NAALADL2: variants seen among roughly 807,000 people sequenced by gnomAD.
NAALADL2 encodes inactive N-acetylated-alpha-linked acidic dipeptidase-like protein 2.
A neutral mutation model predicts 87.2 loss-of-function variants in NAALADL2; 76 were observed. The observed-to-expected ratio is 0.87, with a 90% CI of 0.72 to 1.05. The LOEUF (loss-of-function observed/expected upper bound fraction) is 1.05, where lower values mean the gene tolerates loss of function less well. Among genes scored for constraint, NAALADL2 ranks in the 50% least tolerant of loss-of-function variants. NAALADL2 has a pLI of 0.00. For missense variants in NAALADL2, 1,089 were observed against 945.8 expected (o/e 1.15, Z -1.99); for synonymous variants, 354 against 331.0 (o/e 1.07, Z -0.75).
chr3:175,258,296 C>T (rs1323150912), intron 4 of NAALADL2, among the ~76,000 whole-genome samples: 2 of 130,562 alleles, frequency 1.5e-5, no homozygotes, highest in Non-Finnish European at 3.1e-5. Flanking sequence ...CAACAGAGGG[C>T]GAGACTCCGT....
intron 2 of NAALADL2, among the ~76,000 whole-genome samples, chr3:175,185,792 A>G (rs1269300804): frequency 2.0e-5 from 3 of 151,080 alleles, no homozygotes; most frequent in Non-Finnish European, 4.4e-5. Context: ...TAAAATATTT[A>G]ATAAAATAAT....
intron 1 of NAALADL2, among the ~76,000 whole-genome samples, chr3:174,544,724 C>A (rs569379408): frequency 1.3e-5 from 2 of 151,638 alleles, no homozygotes; most frequent in Non-Finnish European, 2.9e-5. Flanking sequence ...GCACGCGTCA[C>A]CACACCCAGC....
At chr3:174,959,872 T>G (rs1053465166) in intron 1 of NAALADL2, among the ~76,000 whole-genome samples, 9 of 152,100 alleles carry the variant, frequency 5.9e-5, no homozygotes, top group Non-Finnish European at 1.2e-4. Context: ...CTATTTTATT[T>G]ATGAGTTGAC....
chr3:175,404,101 C>T (rs981303306), intron 5 of NAALADL2, among the ~76,000 whole-genome samples: 2 of 151,980 alleles, frequency 1.3e-5, no homozygotes, highest in Non-Finnish European at 2.9e-5. Flanking sequence ...TTCTGAGCCC[C>T]AAGCTGAATT....
At chr3:174,825,521 G>T (rs1375110120) in intron 3 of NAALADL2, among the ~76,000 whole-genome samples, 1 of 152,142 alleles carries the variant, frequency 6.6e-6, no homozygotes, top group Non-Finnish European at 1.5e-5. Flanking sequence ...TTTACTCAGT[G>T]TACTGATACA....
At chr3:175,371,563 G>A (rs1481285791) in intron 5 of NAALADL2, among the ~76,000 whole-genome samples, 1 of 152,162 alleles carries the variant, frequency 6.6e-6, no homozygotes, top group Non-Finnish European at 1.5e-5. Context: ...GACGGCTCAT[G>A]CTTGTAATCC....
At chr3:174,472,794 T>G (rs1716983777) in intron 1 of NAALADL2, among the ~76,000 whole-genome samples, 1 of 152,162 alleles carries the variant, frequency 6.6e-6, no homozygotes, top group Non-Finnish European at 1.5e-5. Flanking sequence ...AGGCCTAAGT[T>G]GCCTCTCACT....
intron 5 of NAALADL2, among the ~76,000 whole-genome samples, chr3:175,431,355 A>G (rs572327393): frequency 6.6e-6 from 1 of 152,002 alleles, no homozygotes; most frequent in Non-Finnish European, 1.5e-5. Context: ...AGCAATAGAG[A>G]TTTTTTGTTT....
chr3:175,444,562 C>T (rs576934660), intron 5 of NAALADL2, among the ~76,000 whole-genome samples: 5 of 152,304 alleles, frequency 3.3e-5, no homozygotes, highest in Middle Eastern at 3.4e-3. Flanking sequence ...CCTGTGCAGT[C>T]TCACAGAGTC....
intron 3 of NAALADL2, among the ~76,000 whole-genome samples, chr3:174,780,463 T>C (rs948626427): frequency 1.4e-4 from 21 of 152,150 alleles, no homozygotes; most frequent in African/African-American, 3.9e-4. Context: ...TCTATATGAA[T>C]ACCCTTTATT....
At chr3:174,841,953 A>G (rs1724068809) in intron 3 of NAALADL2, among the ~76,000 whole-genome samples, 1 of 152,106 alleles carries the variant, frequency 6.6e-6, no homozygotes, top group Admixed American at 6.6e-5. Flanking sequence ...CGTTATATGT[A>G]ATTAGTCATA....
chr3:174,958,227 T>C (rs1463702282), intron 1 of NAALADL2, among the ~76,000 whole-genome samples: 1 of 151,212 alleles, frequency 6.6e-6, no homozygotes, highest in African/African-American at 2.4e-5. Flanking sequence ...AATAATCAAT[T>C]ATATATATAA....
At chr3:174,796,145 C>T (rs1718055819) in intron 3 of NAALADL2, among the ~76,000 whole-genome samples, 1 of 152,082 alleles carries the variant, frequency 6.6e-6, no homozygotes, top group Admixed American at 6.6e-5. Context: ...GAAGAAACGG[C>T]ATGTGAGGAC....
At chr3:174,513,657 G>A (rs923970786) in intron 1 of NAALADL2, 2 of 152,084 alleles carry the variant, frequency 1.3e-5, no homozygotes, top group African/African-American at 2.4e-5. Context: ...AGATCTTTTT[G>A]TCATGTATGC....
At chr3:175,027,759 C>T (rs1472933295) in intron 1 of NAALADL2, among the ~76,000 whole-genome samples, 2 of 152,088 alleles carry the variant, frequency 1.3e-5, no homozygotes, top group Non-Finnish European at 2.9e-5. Context: ...CTTGCTTACC[C>T]TTACCTAGAA....
intron 1 of NAALADL2, among the ~76,000 whole-genome samples, chr3:174,479,553 C>T (rs1321541083): frequency 2.6e-5 from 4 of 152,032 alleles, no homozygotes; most frequent in Non-Finnish European, 2.9e-5. Flanking sequence ...GAGGGGCAGG[C>T]GGGTGCAGGT....
chr3:175,574,693 T>C (rs528294368), intron 9 of NAALADL2, among the ~76,000 whole-genome samples: 4 of 152,248 alleles, frequency 2.6e-5, no homozygotes, highest in African/African-American at 9.6e-5. Context: ...AATTTCATCG[T>C]CCCTGTTAAC....
At chr3:175,437,833 A>G (rs1718976472) in intron 5 of NAALADL2, among the ~76,000 whole-genome samples, 1 of 152,156 alleles carries the variant, frequency 6.6e-6, no homozygotes, top group Non-Finnish European at 1.5e-5. Flanking sequence ...ATCAGAATGC[A>G]TATTTTGCTT....
chr3:174,853,201 CAAAA>C (rs34303846), intron 3 of NAALADL2, among the ~76,000 whole-genome samples: 28 of 45,618 alleles, frequency 6.1e-4, no homozygotes, highest in East Asian at 2.5e-3. Context: ...CCGTCTCTAC[CAAAA>C]AAAAAAAAAA....
Sources: allele counts gnomAD v4.1 joint callset (sites outside exome capture counted in the v4.1 genomes callset), GRCh38; gene constraint gnomAD v4.1.1; transcripts MANE v1.5; gene names NCBI Gene and HGNC (gene_info 2026-07-23, HGNC 2026-07-21).